Variants in FHDC1 observed in about 807,000 individuals in gnomAD.
FHDC1 encodes the protein FH2 domain-containing protein 1.
Under a neutral mutation model 52.6 loss-of-function variants are expected in FHDC1, and 25 were observed. The ratio of observed to expected loss-of-function variants is 0.48; its 90% CI spans 0.35 to 0.66. The LOEUF is 0.66. Ranked by LOEUF, FHDC1 falls within the 30% of genes least tolerant of loss-of-function variation. The probability of loss-of-function intolerance (pLI) is 0.01; values close to 1 mark genes in which losing one functional copy is unlikely to be tolerated. For synonymous variants in FHDC1, 616 were observed against 581.5 expected (o/e 1.06, Z -0.85); for missense variants, 1,459 against 1,452.8 (o/e 1.00, Z -0.07).
chr4:152,957,873 T>C (rs1740148708), intron 4 of FHDC1, among the ~76,000 whole-genome samples: 1 of 152,136 alleles, frequency 6.6e-6, no homozygotes, highest in South Asian at 2.1e-4. Context: ...GAAATGAAAC[T>C]CTGGGAGTGT....
intron 2 of FHDC1, among the ~76,000 whole-genome samples, chr4:152,944,820 A>G (rs1739679677): frequency 6.6e-6 from 1 of 152,222 alleles, no homozygotes; most frequent in South Asian, 2.1e-4. Flanking sequence ...CCTTTTATGC[A>G]AAGTCCTTTT....
At chr4:152,951,926 A>G (rs2149944539) in intron 2 of FHDC1, among the ~76,000 whole-genome samples, 1 of 152,336 alleles carries the variant, frequency 6.6e-6, no homozygotes, top group Admixed American at 6.5e-5. Flanking sequence ...AACCTGCTAC[A>G]GCTCAATCTG....
At position 152,943,419 on chromosome 4, in the gene FHDC1, C is replaced by T; in HGVS notation, c.362C>T (p.Ala121Val). 1 of 1,614,134 alleles carries T rather than the reference C, an allele frequency of 6.2e-7. No individual in the cohort carries two copies. The highest frequency in any genetic ancestry group is 8.5e-7 in the Non-Finnish European group (1 of 1,180,026). The change falls in exon 2 of 12, where the codon GCC becomes GTC. Residue 121 changes from alanine (A) to valine (V), a missense_variant. This residue lies in a region of FHDC1 where 513 missense variants were observed against 581.5 expected (regional missense o/e 0.88). Coordinates refer to ENST00000511601, the MANE Select transcript of FHDC1 (RefSeq NM_001371116.1). ...RGKTNIWTLA[A>V]RQEHHYQIDT... ...AAAACCAACATCTGGACCTTGGCAG[C>T]CAGGCAGGAACATCACTACCAAATT...
rs1336904207 is a variant in FHDC1, at chr4:152,974,880, C to T, written c.1589C>T (p.Ser530Phe). 6.8e-6 allele frequency: 11 copies of T among 1,607,540 alleles called. No individual in the cohort carries two copies. Among genetic ancestry groups the T allele is most frequent in the Non-Finnish European group, 9.3e-6 (11 of 1,177,732 alleles). Reference sequence around the variant, plus strand: ...AGGCCCATCAGCCCCTCCAGCCCCTCCTACCGGCCCCCGAACACCCGCCGC... The same window carrying T: ...AGGCCCATCAGCCCCTCCAGCCCCTTCTACCGGCCCCCGAACACCCGCCGC... ...HPRPISPSSP[S>F]YRPPNTRRSR... The change falls in exon 12 of 12, where the codon TCC becomes TTC. Residue 530 changes from serine to phenylalanine, a missense_variant. Coordinates refer to ENST00000511601, the MANE Select transcript of FHDC1 (RefSeq NM_001371116.1).
At chr4:152,949,405 A>C (rs1438751339) in intron 2 of FHDC1, among the ~76,000 whole-genome samples, 1 of 152,034 alleles carries the variant, frequency 6.6e-6, no homozygotes, top group African/African-American at 2.4e-5. Context: ...GCTTGAGCCC[A>C]GGAGTTTGAG....
At chr4:152,913,278 A>G in the FHDC1 span, among the ~76,000 whole-genome samples, 1 of 152,272 alleles carries the variant, frequency 6.6e-6, no homozygotes, top group African/African-American at 2.4e-5. Context: ...AGTATGCAAG[A>G]TGCTTGCCTT....
intron 7 of FHDC1, 40 bp from the exon 8 acceptor site, chr4:152,962,983 A>ATGTGTG: frequency 3.3e-6 from 3 of 901,040 alleles, no homozygotes; most frequent in Non-Finnish European, 4.7e-6. Context: ...GTGTGTGTGT[A>ATGTGTG]TGTATACATA....
At chr4:152,957,187 C>T (rs945004911) in intron 4 of FHDC1, among the ~76,000 whole-genome samples, 3 of 152,178 alleles carry the variant, frequency 2.0e-5, no homozygotes, top group African/African-American at 4.8e-5. Context: ...CCACGTGGCT[C>T]TCAGCCTATG....
In FHDC1 at chr4:152,968,052, C is replaced by T; in HGVS notation, c.1173C>T (p.Ile391=). Residue 391 remains isoleucine (I), a synonymous_variant, in exon 10 of 12, where the codon ATC becomes ATT. Transcript: ENST00000511601. ...GGACAAAATCACTAAAAGAAAACAT[C>T]CAGCGGGATGGTGAACTTTGTCAGC... ...FVRTKSLKEN[I]QRDGELCQQM... The T allele has an allele frequency of 6.2e-7, 1 of 1,613,922 alleles. No homozygotes were observed. The highest frequency in any genetic ancestry group is 1.1e-5 in the South Asian group (1 of 91,062).
In FHDC1 at chr4:152,974,921, G is replaced by T. The variant is rs1223956537; in HGVS notation, c.1630G>T (p.Gly544Cys). ...CACCCGCCGCTCCCGCCTCTCCCTG[G>T]GTCCCTCTGCTGACCGGGAGCTGCT... ...PNTRRSRLSL[G>C]PSADRELLTF... Residue 544 changes from glycine (G) to cysteine (C), a missense_variant, in exon 12 of 12, where the codon GGT becomes TGT. Gly to Cys is a radical substitution (Grantham distance 159). Transcript: ENST00000511601. 1 of 1,612,110 alleles carries T rather than the reference G, an allele frequency of 6.2e-7. No homozygotes were observed. Among genetic ancestry groups the T allele is most frequent in the Admixed American group, 1.7e-5 (1 of 60,004 alleles).
the FHDC1 span, chr4:152,927,930 CAG>C: frequency 3.5e-6 from 5 of 1,448,032 alleles, no homozygotes; most frequent in African/African-American, 5.6e-5. Flanking sequence ...CGTAAGAGCT[CAG>C]AGAGTGACAA....
the FHDC1 span, chr4:152,928,259 T>C: frequency 1.5e-6 from 1 of 671,654 alleles, no homozygotes; most frequent in Non-Finnish European, 2.7e-6. Context: ...GATCGGACCA[T>C]TCACGCTGCC....
intron 1 of FHDC1, among the ~76,000 whole-genome samples, chr4:152,937,198 G>A (rs924784288): frequency 5.3e-5 from 8 of 152,092 alleles, no homozygotes; most frequent in African/African-American, 1.9e-4. Context: ...GAGCCGCAGT[G>A]CGGCCGTGAG....
intron 11 of FHDC1, among the ~76,000 whole-genome samples, chr4:152,974,129 T>C (rs1740760473): frequency 1.3e-5 from 2 of 152,216 alleles, no homozygotes; most frequent in Non-Finnish European, 1.5e-5. Flanking sequence ...AAATCACTGT[T>C]AAGTAGAATG....
chr4:152,916,040 A>G, the FHDC1 span, among the ~76,000 whole-genome samples: 1 of 152,198 alleles, frequency 6.6e-6, no homozygotes, highest in South Asian at 2.1e-4. Flanking sequence ...GGGTTAAGGA[A>G]CAATTTAAAT....
chr4:152,936,453 G>C (rs1005916958), intron 1 of FHDC1, 44 bp downstream of exon 1: 1 of 152,220 alleles, frequency 6.6e-6, no homozygotes, highest in Admixed American at 6.5e-5. Flanking sequence ...ACCGCGGCGC[G>C]GGACACGGGG....
intron 1 of FHDC1, among the ~76,000 whole-genome samples, 193 bp from the exon 2 acceptor site, chr4:152,942,735 G>C (rs1739608752): frequency 6.6e-6 from 1 of 152,242 alleles, no homozygotes; most frequent in African/African-American, 2.4e-5. Context: ...TTCTCTGGCA[G>C]AATTTCCAGG....
At chr4:152,924,511 T>C in the FHDC1 span, among the ~76,000 whole-genome samples, 1 of 152,188 alleles carries the variant, frequency 6.6e-6, no homozygotes, top group East Asian at 1.9e-4. Context: ...CATTACTGGG[T>C]ATATATCCAA....
the FHDC1 span, among the ~76,000 whole-genome samples, chr4:152,929,572 C>T: frequency 3.0e-4 from 46 of 152,148 alleles, no homozygotes; most frequent in Non-Finnish European, 5.4e-4. This position sits in a 1 kb window ranked among gnomAD's most constrained non-coding sequence, Gnocchi z 4.1. Flanking sequence ...ACTTTCCTTT[C>T]GCACCATCAA....
Sources: gnomAD v4.1 joint callset for allele counts (sites outside exome capture counted in the v4.1 genomes callset) on GRCh38, gnomAD v4.1.1 for gene constraint, gnomAD v4.1.1 regional missense constraint, Gnocchi (gnomAD v3.1) non-coding constraint, MANE v1.5 for transcripts, NCBI Gene and HGNC (gene_info 2026-07-23, HGNC 2026-07-21) for gene names.